Variants in MCTP2 observed in about 807,000 individuals in gnomAD.
The protein encoded by MCTP2 is multiple C2 and transmembrane domain containing 2.
Under a neutral mutation model 111.6 loss-of-function variants are expected in MCTP2, and 132 were observed. That is an observed-to-expected ratio of 1.18 (90% CI 1.03 to 1.37). The LOEUF (loss-of-function observed/expected upper bound fraction) is 1.37. Ranked by LOEUF, MCTP2 falls within the 40% of genes most tolerant of loss-of-function variation. The pLI is 0.00. For synonymous variants in MCTP2, 395 were observed against 387.7 expected (o/e 1.02, Z -0.22); for missense variants, 1,183 against 1,067.9 (o/e 1.11, Z -1.50).
At chr15:94,459,293 A>C (rs1445278487) in intron 20 of MCTP2, among the ~76,000 whole-genome samples, 1 of 152,200 alleles carries the variant, frequency 6.6e-6, no homozygotes, top group East Asian at 1.9e-4. Context: ...CTAAAAACCA[A>C]GGGAAAGCCT....
intron 17 of MCTP2, among the ~76,000 whole-genome samples, chr15:94,421,716 C>G (rs146396528): frequency 1.3e-3 from 199 of 152,250 alleles, no homozygotes; most frequent in African/African-American, 4.5e-3. Context: ...TTTTAAGAAC[C>G]CTTGGGATTG....
chr15:94,386,153 A>G (rs1366518171), intron 14 of MCTP2, among the ~76,000 whole-genome samples: 1 of 152,180 alleles, frequency 6.6e-6, no homozygotes, highest in Non-Finnish European at 1.5e-5. Context: ...AGAAAGCACC[A>G]AAGAATGCCT....
Position 94,270,295 on chromosome 15 carries a change from G to A in MCTP2, c.-65-27906G>A, listed in dbSNP as rs548817478. Among the ~76,000 whole-genome samples, 4 of 152,260 alleles carry A rather than the reference G, an allele frequency of 2.6e-5. No individual in the cohort carries two copies. In the South Asian group the frequency reaches 6.2e-4, roughly 24 times the overall value. Reference sequence around the variant, plus strand: ...CGGGCACTGTGAGCTTGAACAGTTTGCATTTGCTTCATCTGTAAAGTTGGA... The same window carrying A: ...CGGGCACTGTGAGCTTGAACAGTTTACATTTGCTTCATCTGTAAAGTTGGA... On this transcript the variant is annotated intron_variant, in intron 1 of 22. Transcript: ENST00000357742.
intron 17 of MCTP2, among the ~76,000 whole-genome samples, chr15:94,407,812 C>T (rs919893418): frequency 1.4e-5 from 2 of 144,120 alleles, no homozygotes; most frequent in Admixed American, 6.9e-5. Context: ...CACACACACA[C>T]ACACATGCAT....
Position 94,380,424 on chromosome 15 carries a change from A to G in MCTP2, c.1583-3598A>G, listed in dbSNP as rs141823622. Among the ~76,000 whole-genome samples the G allele has an allele frequency of 2.0e-5, 3 of 152,272 alleles. No individual in the cohort carries two copies. In the East Asian group the frequency reaches 5.8e-4, roughly 29 times the overall value. ...ATTGCTTAGGTGGTCATTGTATTTC[A>G]GGGTCAGTTTAGTGCTAGGAACATT... On this transcript the variant is annotated intron_variant, in intron 12 of 22. Transcript: ENST00000357742.
At chr15:94,310,795 C>T (rs2076091257) in intron 2 of MCTP2, among the ~76,000 whole-genome samples, 1 of 151,204 alleles carries the variant, frequency 6.6e-6, no homozygotes, top group African/African-American at 2.4e-5. Flanking sequence ...CAAAACTTAG[C>T]CAAGTGTGAT....
chr15:94,338,111 T>A (rs1473194471), intron 4 of MCTP2, among the ~76,000 whole-genome samples: 1 of 152,214 alleles, frequency 6.6e-6, no homozygotes, highest in African/African-American at 2.4e-5. Context: ...GATATAATAG[T>A]CCTAGACTAT....
At chr15:94,458,536 A>G (rs1018938243) in intron 20 of MCTP2, among the ~76,000 whole-genome samples, 1 of 152,198 alleles carries the variant, frequency 6.6e-6, no homozygotes, top group African/African-American at 2.4e-5. Context: ...GACAAATGAT[A>G]GATATTTAAA....
intron 1 of MCTP2, among the ~76,000 whole-genome samples, chr15:94,266,315 A>G (rs2073526677): frequency 3.3e-5 from 5 of 152,162 alleles, no homozygotes; most frequent in Non-Finnish European, 1.5e-5. Context: ...GCATGCAAAT[A>G]TTTTTTTGAC....
At chr15:94,476,651 G>T in intron 21 of MCTP2, 45 bp from the exon 22 acceptor site, 1 of 906,078 alleles carries the variant, frequency 1.1e-6, no homozygotes, top group Non-Finnish European at 1.7e-6. Context: ...TAGATAGATA[G>T]ACAGACAGAC....
intron 1 of MCTP2, among the ~76,000 whole-genome samples, chr15:94,237,626 AT>A (rs1555437620): frequency 6.6e-6 from 1 of 152,190 alleles, no homozygotes; most frequent in Non-Finnish European, 1.5e-5. Flanking sequence ...CCCCAAAAGT[AT>A]GTTTCTTTGC....
intron 17 of MCTP2, among the ~76,000 whole-genome samples, chr15:94,403,934 T>A (rs1529779): frequency 6.6e-6 from 1 of 152,108 alleles, no homozygotes; most frequent in Non-Finnish European, 1.5e-5. Context: ...TTGGACACCA[T>A]TGAAAAAAAT....
rs2074741805 is a variant in MCTP2 at position 94,481,827 on chromosome 15, A to G, written c.*2793A>G. On this transcript the variant is annotated 3_prime_UTR_variant, in exon 23 of 23. Coordinates refer to ENST00000357742, the MANE Select transcript of MCTP2 (RefSeq NM_001385001.1). ...ACATGTTTAACAGGCCAGGTCGTAG[A>G]GATTATTTTTCTTTCTCTGCCTTTT... 6.6e-6 allele frequency: 1 copy of G among 152,250 alleles called. No individual in the cohort carries two copies. Among genetic ancestry groups the G allele is most frequent in the African/African-American group, 2.4e-5 (1 of 41,452 alleles). 9.4% of individuals were successfully genotyped at this position (152,250 alleles called of 1,614,324 possible). A position where few individuals can be genotyped will look rare whatever the true frequency, so the allele number is the denominator to read the frequency against.
intron 1 of MCTP2, among the ~76,000 whole-genome samples, chr15:94,246,161 G>A (rs1017575941): frequency 6.6e-6 from 1 of 152,156 alleles, no homozygotes; most frequent in South Asian, 2.1e-4. Context: ...CCTTTGCAAT[G>A]CTACACATAT....
intron 17 of MCTP2, among the ~76,000 whole-genome samples, chr15:94,404,876 T>C (rs28658316): frequency 0.15 from 23,490 of 152,096 alleles, 1,975 homozygotes; most frequent in Non-Finnish European, 0.16. Flanking sequence ...ACTATGCAAC[T>C]GCCATATCTG....
chr15:94,359,885 G>A (rs114839996), intron 10 of MCTP2, among the ~76,000 whole-genome samples: 143 of 152,236 alleles, frequency 9.4e-4, no homozygotes, highest in African/African-American at 3.3e-3. Flanking sequence ...AGATAGATGC[G>A]TGAGGAGTTC....
chr15:94,338,772 T>G (rs767733877), intron 4 of MCTP2, among the ~76,000 whole-genome samples: 2 of 152,220 alleles, frequency 1.3e-5, no homozygotes, highest in Non-Finnish European at 2.9e-5. Context: ...CTTTGTCAAT[T>G]TAATCTCTAC....
intron 12 of MCTP2, among the ~76,000 whole-genome samples, chr15:94,374,727 C>T (rs1416464100): frequency 1.3e-5 from 2 of 152,140 alleles, no homozygotes; most frequent in Non-Finnish European, 1.5e-5. Context: ...ACACTCATGG[C>T]CCTTACCCTG....
intron 20 of MCTP2, among the ~76,000 whole-genome samples, chr15:94,465,093 CTG>C (rs1277605681): frequency 6.6e-6 from 1 of 152,050 alleles, no homozygotes; most frequent in Non-Finnish European, 1.5e-5. Flanking sequence ...TGAATTTTAT[CTG>C]TTTTTGCTTT....
Sources: gnomAD v4.1 joint callset for allele counts (sites outside exome capture counted in the v4.1 genomes callset) on GRCh38, gnomAD v4.1.1 for gene constraint, MANE v1.5 for transcripts, NCBI Gene and HGNC (gene_info 2026-07-23, HGNC 2026-07-21) for gene names.